Variants in KLF8 observed in about 807,000 individuals in gnomAD.
KLF8 encodes the protein KLF transcription factor 8, also known as Krueppel-like factor 8.
Under a neutral mutation model 18.2 loss-of-function variants are expected in KLF8, and 10 were observed. The ratio of observed to expected loss-of-function variants is 0.55; its 90% CI spans 0.34 to 0.93. KLF8 has a LOEUF of 0.93. Ranked by LOEUF, KLF8 falls within the 40% of genes least tolerant of loss-of-function variation. The pLI is 0.02. For synonymous variants in KLF8, 109 were observed against 97.3 expected (o/e 1.12, Z -0.71); for missense variants, 264 against 277.9 (o/e 0.95, Z 0.36).
At chrX:56,143,996 A>G in the KLF8 span, among the ~76,000 whole-genome samples, 1 of 111,994 alleles carries the variant, frequency 8.9e-6, no homozygotes, top group Non-Finnish European at 1.9e-5. Context: ...ATGAAAAACA[A>G]CAACAAAAAG....
the KLF8 span, among the ~76,000 whole-genome samples, chrX:55,963,861 C>A: frequency 8.9e-6 from 1 of 111,968 alleles, no homozygotes; most frequent in Admixed American, 9.5e-5. Flanking sequence ...ATCAACCATG[C>A]ACTTGGCCAT....
At chrX:56,044,358 C>CT in the KLF8 span, among the ~76,000 whole-genome samples, 2 of 112,182 alleles carry the variant, frequency 1.8e-5, no homozygotes, top group Non-Finnish European at 1.9e-5. Context: ...GCAGGGTTTA[C>CT]TTTTTGTCCA....
the KLF8 span, among the ~76,000 whole-genome samples, chrX:56,141,262 C>T: frequency 8.9e-6 from 1 of 112,054 alleles, no homozygotes; most frequent in African/African-American, 3.2e-5. Flanking sequence ...CCACCATACC[C>T]GGCCAGCATT....
the KLF8 span, among the ~76,000 whole-genome samples, chrX:56,170,838 G>T: frequency 1.9e-4 from 21 of 111,407 alleles, no homozygotes; most frequent in Admixed American, 1.4e-3. Flanking sequence ...ATAGGCTATA[G>T]AACACCAAGC....
At chrX:55,932,996 TTC>T in the KLF8 span, among the ~76,000 whole-genome samples, 3 of 112,008 alleles carry the variant, frequency 2.7e-5, no homozygotes, top group African/African-American at 9.7e-5. Context: ...TCTTTTAAAA[TTC>T]TGTTTATGTC....
At chrX:56,133,840 C>T in the KLF8 span, among the ~76,000 whole-genome samples, 1 of 109,973 alleles carries the variant, frequency 9.1e-6, no homozygotes, top group Non-Finnish European at 1.9e-5. Context: ...AATTAATGTA[C>T]AGAAATTAGT....
At chrX:55,946,129 A>T in the KLF8 span, among the ~76,000 whole-genome samples, 2 of 111,737 alleles carry the variant, frequency 1.8e-5, no homozygotes, top group African/African-American at 6.5e-5. Context: ...GAATTGGAAA[A>T]AACTACTTTA....
At chrX:56,200,710 T>C in the KLF8 span, among the ~76,000 whole-genome samples, 2 of 111,322 alleles carry the variant, frequency 1.8e-5, no homozygotes, top group Admixed American at 9.6e-5. Flanking sequence ...GCCAGCCATA[T>C]ATCTGATAAA....
the KLF8 span, among the ~76,000 whole-genome samples, chrX:56,199,160 A>AGGTT: frequency 6.2e-5 from 7 of 112,185 alleles, no homozygotes; most frequent in Non-Finnish European, 1.1e-4. Flanking sequence ...AGGCAATACC[A>AGGTT]TTCAGGAAAT....
At chrX:56,062,818 G>A in the KLF8 span, among the ~76,000 whole-genome samples, 8 of 110,828 alleles carry the variant, frequency 7.2e-5, no homozygotes, top group Non-Finnish European at 1.1e-4. Context: ...CATAGATTTG[G>A]TCTTTTCACA....
the KLF8 span, among the ~76,000 whole-genome samples, chrX:55,940,330 C>T: frequency 3.6e-5 from 4 of 111,727 alleles, no homozygotes; most frequent in East Asian, 8.4e-4. Flanking sequence ...TTCAACAACC[C>T]TTCATGCTAA....
chrX:55,945,062 T>G, the KLF8 span, among the ~76,000 whole-genome samples: 4 of 111,710 alleles, frequency 3.6e-5, no homozygotes, highest in African/African-American at 1.3e-4. Context: ...AAGAACATCT[T>G]TATCTCTGCC....
the KLF8 span, among the ~76,000 whole-genome samples, chrX:56,049,524 T>C: frequency 9.2e-6 from 1 of 108,321 alleles, no homozygotes; most frequent in East Asian, 2.9e-4. Flanking sequence ...ATGGAGATAA[T>C]CATGTGGTTT....
chrX:55,910,698 CT>C, the KLF8 span, among the ~76,000 whole-genome samples: 148 of 112,083 alleles, frequency 1.3e-3, 1 homozygote, highest in Middle Eastern at 4.6e-3. Flanking sequence ...AACAATCATT[CT>C]ATTTGAAATT....
At position 56,249,509 on chromosome X, in the gene KLF8, A is replaced by AC. The variant is rs911151229; in HGVS notation, c.8-717dup. On this transcript the variant is annotated intron_variant, in intron 1 of 5. Transcript: ENST00000468660. ...AGCTAACCTTAATTTAACAAACCCC[A>AC]CCCCCAAGTTCCATGGAAGCCTTAG... 9.9e-5 allele frequency among the ~76,000 whole-genome samples: 11 copies of AC among 110,666 alleles called. No individual in the cohort carries two copies. The South Asian group carries it at 1.2e-3, about 12-fold the overall frequency.
chrX:56,154,759 AC>A, the KLF8 span, among the ~76,000 whole-genome samples: 2 of 111,732 alleles, frequency 1.8e-5, no homozygotes, highest in Non-Finnish European at 3.8e-5. Context: ...AATTTACAAG[AC>A]AAAAACAAAC....
At chrX:56,011,673 C>A in the KLF8 span, among the ~76,000 whole-genome samples, 5 of 110,743 alleles carry the variant, frequency 4.5e-5, no homozygotes, top group African/African-American at 9.8e-5. Context: ...AATCCAGGAG[C>A]AGTTTCTTGA....
the KLF8 span, among the ~76,000 whole-genome samples, chrX:56,063,899 G>A: frequency 9.1e-6 from 1 of 110,134 alleles, no homozygotes; most frequent in African/African-American, 3.3e-5. Flanking sequence ...GCTTCACCGA[G>A]CTGCAGTAGG....
At chrX:56,103,688 T>C in the KLF8 span, among the ~76,000 whole-genome samples, 1 of 111,545 alleles carries the variant, frequency 9.0e-6, no homozygotes, top group Non-Finnish European at 1.9e-5. Context: ...CTTTCCCTAA[T>C]TGAATACACT....
Sources: gnomAD v4.1 joint callset for allele counts (sites outside exome capture counted in the v4.1 genomes callset) on GRCh38, gnomAD v4.1.1 for gene constraint, MANE v1.5 for transcripts, NCBI Gene and HGNC (gene_info 2026-07-23, HGNC 2026-07-21) for gene names.